CEP57L1: variants seen among roughly 807,000 people sequenced by gnomAD.
The protein encoded by CEP57L1 is centrosomal protein 57 like 1.
A neutral mutation model predicts 61.0 loss-of-function variants in CEP57L1; 37 were observed. That is an observed-to-expected ratio of 0.61 (90% CI 0.47 to 0.80). The LOEUF (loss-of-function observed/expected upper bound fraction) is 0.80. Among genes scored for constraint, CEP57L1 ranks in the 30% least tolerant of loss-of-function variants. The pLI, the probability that CEP57L1 is intolerant of heterozygous loss-of-function variation, is 0.00. For synonymous variants in CEP57L1, 137 were observed against 162.3 expected (o/e 0.84, Z 1.19); for missense variants, 422 against 524.7 (o/e 0.80, Z 1.91).
chr6:109,101,264 T>A (rs566135978), intron 1 of CEP57L1, among the ~76,000 whole-genome samples: 2 of 152,360 alleles, frequency 1.3e-5, no homozygotes, highest in Non-Finnish European at 2.9e-5. Context: ...TTTGCTAACT[T>A]TGGTCATGGA....
intron 1 of CEP57L1, among the ~76,000 whole-genome samples, chr6:109,118,472 G>GA (rs1185648269): frequency 2.0e-5 from 3 of 152,050 alleles, no homozygotes; most frequent in South Asian, 2.1e-4. Context: ...AGTCTGGTTT[G>GA]AAAAAAAAGT....
rs202070350 is a variant in CEP57L1 at position 109,169,226 on chromosome 6, CAAAAAAAAAA to C, written c.*6268_*6277del. The stretch of plus-strand genomic sequence containing the variant: ...GAGCAGCAGAGTGAGGCTCCATCAG[CAAAAAAAAAA>C]AAAAAAAAAAAGATCAGAGTGCATC... On this transcript the variant is annotated 3_prime_UTR_variant, in exon 11 of 11. Coordinates refer to ENST00000517392, the MANE Select transcript of CEP57L1 (RefSeq NM_001271852.3). Among the ~76,000 whole-genome samples, 1 of 67,550 alleles carries C rather than the reference CAAAAAAAAAA, an allele frequency of 1.5e-5. No individual in the cohort carries two copies. Among genetic ancestry groups the C allele is most frequent in the South Asian group, 6.1e-4 (1 of 1,636 alleles). 44.3% of individuals were successfully genotyped at this position (67,550 alleles called of 152,430 possible).
intron 1 of CEP57L1, among the ~76,000 whole-genome samples, chr6:109,123,804 C>G (rs1350176227): frequency 6.6e-6 from 1 of 151,994 alleles, no homozygotes; most frequent in African/African-American, 2.4e-5. Context: ...CATGGTGGTT[C>G]ACACCTGTAA....
intron 1 of CEP57L1, among the ~76,000 whole-genome samples, chr6:109,138,949 AT>A (rs1230662858): frequency 2.0e-5 from 3 of 151,908 alleles, no homozygotes; most frequent in African/African-American, 7.3e-5. Context: ...TCAGCATGTG[AT>A]TTTTTTTCTT....
chr6:109,095,819 G>A (rs971678784), intron 1 of CEP57L1, among the ~76,000 whole-genome samples: 1 of 152,164 alleles, frequency 6.6e-6, no homozygotes, highest in East Asian at 1.9e-4. Flanking sequence ...CAAGAAGGAA[G>A]GATGCTGTGG....
rs1773957906 is a variant in CEP57L1 at position 109,164,395 on chromosome 6, C to G, written c.*1425C>G. Among the ~76,000 whole-genome samples the G allele has an allele frequency of 6.6e-6, 1 of 152,118 alleles. No homozygotes were observed. Among genetic ancestry groups the G allele is most frequent in the Non-Finnish European group, 1.5e-5 (1 of 68,034 alleles). On this transcript the variant is annotated 3_prime_UTR_variant, in exon 11 of 11. Transcript: ENST00000517392. ...GTGACTGAAGATGGGCACATTGATGCTTGAAATTGTCCTTGAAAGTAGTTA... is the reference window on the plus strand; with the variant it reads ...GTGACTGAAGATGGGCACATTGATGGTTGAAATTGTCCTTGAAAGTAGTTA...
chr6:109,171,434 G>A lies in CEP57L1; in HGVS notation c.*8464G>A, dbSNP rs185739219. On this transcript the variant is annotated 3_prime_UTR_variant, in exon 11 of 11. Coordinates refer to ENST00000517392, the MANE Select transcript of CEP57L1 (RefSeq NM_001271852.3). The stretch of plus-strand genomic sequence containing the variant: ...TTTTTTTCGCATTTTTAATAGAAAC[G>A]GGGTTTCACCGTGTTAGCCAGGCTG... 5.9e-3 allele frequency among the ~76,000 whole-genome samples: 891 copies of A among 150,842 alleles called. 3 individuals carry two copies. The highest frequency in any genetic ancestry group is 0.01 in the Middle Eastern group (3 of 294).
intron 1 of CEP57L1, among the ~76,000 whole-genome samples, chr6:109,108,261 A>T (rs1771168354): frequency 2.0e-5 from 3 of 147,622 alleles, no homozygotes; most frequent in Non-Finnish European, 3.0e-5. Flanking sequence ...TTTTTTTGAG[A>T]TAGAGTTTCA....
chr6:109,098,445 C>G (rs1781977566), intron 1 of CEP57L1, among the ~76,000 whole-genome samples: 1 of 151,866 alleles, frequency 6.6e-6, no homozygotes, highest in East Asian at 1.9e-4. Flanking sequence ...CGTGCCCGGC[C>G]TCTTTCTTTT....
intron 1 of CEP57L1, among the ~76,000 whole-genome samples, chr6:109,105,457 A>G (rs150733700): frequency 2.2e-4 from 34 of 152,284 alleles, no homozygotes; most frequent in African/African-American, 6.7e-4. Context: ...CTCCATGTAA[A>G]TGCCCTCTTT....
upstream of CEP57L1, chr6:109,095,477 A>G: frequency 2.0e-6 from 2 of 985,754 alleles, no homozygotes; most frequent in Non-Finnish European, 2.4e-6. Context: ...TTTGTTTGCG[A>G]CAGAAACTAC....
At chr6:109,127,355 C>T (rs143093886) in intron 1 of CEP57L1, among the ~76,000 whole-genome samples, 106 of 152,024 alleles carry the variant, frequency 7.0e-4, no homozygotes, top group African/African-American at 2.2e-3. Flanking sequence ...TCCATCTCAT[C>T]GTCTTGTGTG....
At chr6:109,139,394 C>G (rs1474790154) in intron 1 of CEP57L1, among the ~76,000 whole-genome samples, 1 of 152,186 alleles carries the variant, frequency 6.6e-6, no homozygotes, top group African/African-American at 2.4e-5. Flanking sequence ...ACATTCGCCT[C>G]CTGGGTCAAA....
intron 1 of CEP57L1, among the ~76,000 whole-genome samples, chr6:109,142,953 C>A (rs1771559392): frequency 4.7e-5 from 1 of 21,164 alleles, no homozygotes; most frequent in Non-Finnish European, 9.3e-5. Context: ...CTTGCTCTCT[C>A]TCTCTCTCTC....
rs1050374952 is a variant in CEP57L1 at position 109,167,546 on chromosome 6, T to G, written c.*4576T>G. Among the ~76,000 whole-genome samples, 1 of 151,916 alleles carries G rather than the reference T, an allele frequency of 6.6e-6. No homozygotes were observed. Among genetic ancestry groups the G allele is most frequent in the African/African-American group, 2.4e-5 (1 of 41,358 alleles). ...AAAATAAAAAAAAATTAGCTGGGTG[T>G]GGTAGCATGCAGTCCAGCTACTCGG... is the stretch of plus-strand genomic sequence containing the variant. On this transcript the variant is annotated 3_prime_UTR_variant, in exon 11 of 11. Coordinates refer to ENST00000517392, the MANE Select transcript of CEP57L1 (RefSeq NM_001271852.3).
In CEP57L1 at chr6:109,162,966, A is replaced by C; in HGVS notation, c.1379A>C (p.Gln460Pro). The C allele has an allele frequency of 6.2e-7, 1 of 1,605,210 alleles. No homozygotes were observed. Among genetic ancestry groups the C allele is most frequent in the South Asian group, 1.1e-5 (1 of 90,686 alleles). Residue 460 changes from glutamine (Q) to proline (P), a missense_variant, in exon 11 of 11, where the codon CAG (glutamine) becomes CCG (proline). Coordinates refer to ENST00000517392, the MANE Select transcript of CEP57L1 (RefSeq NM_001271852.3). The stretch of plus-strand genomic sequence containing the variant: ...AGAAGAGATGATATCATGTGGGAAC[A>C]GTAACAAAACAGCAAAACTGTCACC... ...KLRRDDIMWE[Q>P] is the part of the protein sequence containing the mutation.
chr6:109,135,422 G>A (rs1295338291), intron 1 of CEP57L1, among the ~76,000 whole-genome samples: 4 of 152,036 alleles, frequency 2.6e-5, no homozygotes, highest in Admixed American at 6.6e-5. Flanking sequence ...TTCAAGATGG[G>A]TTAAAGACTT....
rs933603825 is a variant in CEP57L1, at chr6:109,096,286, A to G, written c.-4+711A>G. 3.3e-5 allele frequency among the ~76,000 whole-genome samples: 5 copies of G among 152,216 alleles called. No homozygotes were observed. The East Asian group carries it at 7.7e-4, about 23-fold the overall frequency. The stretch of plus-strand genomic sequence containing the variant: ...TAAATTCTAAAAATTTCGTCTTGCT[A>G]GGCACTGAGTATACAACAATGAAAA... On this transcript the variant is annotated intron_variant, in intron 1 of 10. Coordinates refer to ENST00000517392, the MANE Select transcript of CEP57L1 (RefSeq NM_001271852.3).
At position 109,172,107 on chromosome 6, in the gene CEP57L1, C is replaced by A. The variant is rs143989536; in HGVS notation, c.*9137C>A. Among the ~76,000 whole-genome samples, 10 of 152,278 alleles carry A rather than the reference C, an allele frequency of 6.6e-5. No individual in the cohort carries two copies. The highest frequency in any genetic ancestry group is 2.4e-4 in the African/African-American group (10 of 41,558). ...AGCAGCTGAAAAAAGGCACATAGGG[C>A]AAAGTCTGGGGGACACCAGGCACAA... On this transcript the variant is annotated 3_prime_UTR_variant, in exon 11 of 11. Transcript: ENST00000517392.
Sources: gnomAD v4.1 joint callset for allele counts (sites outside exome capture counted in the v4.1 genomes callset) on GRCh38, gnomAD v4.1.1 for gene constraint, MANE v1.5 for transcripts, NCBI Gene and HGNC (gene_info 2026-07-23, HGNC 2026-07-21) for gene names.